Variants in TNIP3 observed in about 807,000 individuals in gnomAD.
The protein encoded by TNIP3 is TNFAIP3 interacting protein 3.
In TNIP3, 34 loss-of-function variants were observed where a neutral mutation model predicts 54.1. The ratio of observed to expected loss-of-function variants is 0.63; its 90% CI spans 0.48 to 0.84. The LOEUF is 0.84. TNIP3 is among the 40% of genes least tolerant of loss of function. TNIP3 has a pLI of 0.00. For synonymous variants in TNIP3, 134 were observed against 136.8 expected (o/e 0.98, Z 0.14); for missense variants, 366 against 387.6 (o/e 0.94, Z 0.47).
At chr4:121,138,321 G>T (rs1415357789) in intron 10 of TNIP3, among the ~76,000 whole-genome samples, 1 of 152,188 alleles carries the variant, frequency 6.6e-6, no homozygotes, top group East Asian at 1.9e-4. Flanking sequence ...GCAGAGCTTT[G>T]TTGTTGTTAT....
chr4:121,141,910 T>C lies in TNIP3; in HGVS notation c.791A>G (p.Tyr264Cys), dbSNP rs1249444137. The C allele has an allele frequency of 6.9e-6, 11 of 1,596,452 alleles. No individual in the cohort carries two copies. Among genetic ancestry groups the C allele is most frequent in the Admixed American group, 1.7e-5 (1 of 57,816 alleles). Residue 264 changes from tyrosine (Y) to cysteine (C), a missense_variant, in exon 9 of 11, where the codon TAT (tyrosine) becomes TGT (cysteine). Coordinates refer to ENST00000057513, the MANE Select transcript of TNIP3 (RefSeq NM_024873.6). ...CAAGCCGCAGTTACAGGGTGGGCAATACATCTGAGGAGAACAAAACTGTGG... is the reference window on the plus strand; with the variant it reads ...CAAGCCGCAGTTACAGGGTGGGCAACACATCTGAGGAGAACAAAACTGTGG... ...EKLEKQLKQM[Y>C]CPPCNCGLVF...
chr4:121,135,021 G>A (rs927919881), intron 10 of TNIP3, among the ~76,000 whole-genome samples: 1 of 152,146 alleles, frequency 6.6e-6, no homozygotes, highest in African/African-American at 2.4e-5. Flanking sequence ...TCTCCCAGCT[G>A]GGCTGTCTTC....
chr4:121,159,087 A>T (rs2148813547), intron 2 of TNIP3, among the ~76,000 whole-genome samples: 1 of 152,256 alleles, frequency 6.6e-6, no homozygotes, highest in Non-Finnish European at 1.5e-5. Context: ...TACTAAAAAT[A>T]CAAAACTTAG....
intron 2 of TNIP3, among the ~76,000 whole-genome samples, chr4:121,211,060 C>T (rs1726453833): frequency 1.3e-5 from 2 of 152,062 alleles, no homozygotes; most frequent in African/African-American, 4.8e-5. Flanking sequence ...AATAAAGGAA[C>T]TTACATGGTT....
intron 2 of TNIP3, among the ~76,000 whole-genome samples, chr4:121,183,820 C>T (rs899202150): frequency 7.2e-5 from 11 of 152,072 alleles, no homozygotes; most frequent in South Asian, 4.2e-4. Flanking sequence ...TCCCATCACC[C>T]CCAGATGGGA....
At chr4:121,153,901 A>G (rs1290486949) in intron 5 of TNIP3, among the ~76,000 whole-genome samples, 1 of 152,160 alleles carries the variant, frequency 6.6e-6, no homozygotes. Context: ...TGTTCCACAT[A>G]TGGGTTGGCT....
intron 7 of TNIP3, 51 bp downstream of exon 7, chr4:121,146,997 TG>T: frequency 1.3e-6 from 2 of 1,551,942 alleles, no homozygotes; most frequent in Admixed American, 4.3e-5. Context: ...TTTTTTTAAA[TG>T]AAAAAAATAT....
At chr4:121,147,005 A>G in intron 7 of TNIP3, 44 bp downstream of exon 7, 1 of 1,560,982 alleles carries the variant, frequency 6.4e-7, no homozygotes, top group South Asian at 1.2e-5. Flanking sequence ...AATGAAAAAA[A>G]TATACATACA....
At chr4:121,154,965 CT>C (rs1335877022) in intron 4 of TNIP3, among the ~76,000 whole-genome samples, 1,513 of 141,154 alleles carry the variant, frequency 0.011, 17 homozygotes, top group Middle Eastern at 0.029. Context: ...ATTCCCAATT[CT>C]TTTTTTTTTT....
chr4:121,142,469 T>G (rs932981731), intron 8 of TNIP3, among the ~76,000 whole-genome samples: 2 of 152,208 alleles, frequency 1.3e-5, no homozygotes, highest in Non-Finnish European at 2.9e-5. Context: ...TATTTCCAGG[T>G]GCTTGTGGGT....
At chr4:121,145,971 C>T (rs1187648893) in intron 7 of TNIP3, among the ~76,000 whole-genome samples, 1 of 149,976 alleles carries the variant, frequency 6.7e-6, no homozygotes, top group Non-Finnish European at 1.5e-5. Flanking sequence ...GAGCAAAACA[C>T]CATCTCATAA....
intron 2 of TNIP3, among the ~76,000 whole-genome samples, chr4:121,206,276 A>G (rs1419944566): frequency 6.6e-6 from 1 of 152,176 alleles, no homozygotes; most frequent in Non-Finnish European, 1.5e-5. Flanking sequence ...AGGTAGATGA[A>G]TACACAAGTC....
At chr4:121,216,982 T>C (rs1046400249), upstream of TNIP3, among the ~76,000 whole-genome samples, 2 of 152,136 alleles carry the variant, frequency 1.3e-5, no homozygotes, top group Non-Finnish European at 2.9e-5. Context: ...TTTCTATGAT[T>C]TTCAGGGTAA....
chr4:121,158,870 A>G (rs1283668524), intron 2 of TNIP3, 118 bp from the exon 3 acceptor site: 1 of 747,948 alleles, frequency 1.3e-6, no homozygotes, highest in Non-Finnish European at 2.2e-6. Flanking sequence ...TGAAGACAAT[A>G]TTTTTTTCCA....
intron 1 of TNIP3, among the ~76,000 whole-genome samples, chr4:121,222,810 T>TG (rs1560702573): frequency 2.7e-4 from 39 of 141,950 alleles, no homozygotes; most frequent in African/African-American, 1.0e-3. Flanking sequence ...GTGCGTTTTT[T>TG]TTTTTTTTTT....
chr4:121,146,656 G>A (rs1358061093), intron 7 of TNIP3, among the ~76,000 whole-genome samples: 2 of 152,038 alleles, frequency 1.3e-5, no homozygotes, highest in East Asian at 1.9e-4. Context: ...TTAGAAATAC[G>A]TATGTTTTTG....
At chr4:121,186,842 C>T (rs1393210601) in intron 2 of TNIP3, among the ~76,000 whole-genome samples, 1 of 152,164 alleles carries the variant, frequency 6.6e-6, no homozygotes, top group Non-Finnish European at 1.5e-5. Flanking sequence ...AGTTTAGTCA[C>T]ACCTCAAATA....
upstream of TNIP3, among the ~76,000 whole-genome samples, chr4:121,220,532 G>A (rs1026608195): frequency 1.3e-5 from 2 of 151,968 alleles, no homozygotes; most frequent in Admixed American, 1.3e-4. Context: ...TTCAAATTTG[G>A]TAACTTAACC....
At chr4:121,173,112 C>T (rs1302202063) in intron 3 of TNIP3, among the ~76,000 whole-genome samples, 1 of 152,190 alleles carries the variant, frequency 6.6e-6, no homozygotes, top group Non-Finnish European at 1.5e-5. Flanking sequence ...TCCTGGTTTA[C>T]TTCCCCCAAA....
Sources: allele counts gnomAD v4.1 joint callset (sites outside exome capture counted in the v4.1 genomes callset), GRCh38; gene constraint gnomAD v4.1.1; transcripts MANE v1.5; gene names NCBI Gene and HGNC (gene_info 2026-07-23, HGNC 2026-07-21).